NELL2: variants seen among roughly 807,000 people sequenced by gnomAD.
The protein encoded by NELL2 is neural EGFL like 2, also known as protein kinase C-binding protein NELL2.
In NELL2, 41 loss-of-function variants were observed where a neutral mutation model predicts 109.6. The ratio of observed to expected loss-of-function variants is 0.37; its 90% CI spans 0.29 to 0.49. NELL2 has a LOEUF of 0.49. NELL2 is among the 20% of genes least tolerant of loss of function. The pLI is 0.98. For synonymous variants in NELL2, 355 were observed against 344.7 expected (o/e 1.03, Z -0.33); for missense variants, 900 against 1,008.3 (o/e 0.89, Z 1.45).
At chr12:44,763,008 T>C (rs1941188549) in intron 9 of NELL2, among the ~76,000 whole-genome samples, 1 of 152,226 alleles carries the variant, frequency 6.6e-6, no homozygotes, top group Non-Finnish European at 1.5e-5. Context: ...CATAAATTCA[T>C]TCCTAGGCAC....
intron 13 of NELL2, among the ~76,000 whole-genome samples, chr12:44,621,196 T>C (rs1283416206): frequency 6.6e-6 from 1 of 152,176 alleles, no homozygotes; most frequent in Non-Finnish European, 1.5e-5. Context: ...CCACTTTCTT[T>C]GCTTAACTCT....
At chr12:44,830,919 T>C (rs1943867554) in intron 2 of NELL2, among the ~76,000 whole-genome samples, 1 of 151,952 alleles carries the variant, frequency 6.6e-6, no homozygotes. Context: ...CCTCAGGAAT[T>C]CATGAATTTT....
intron 12 of NELL2, among the ~76,000 whole-genome samples, chr12:44,703,514 C>A (rs539324499): frequency 6.6e-6 from 1 of 152,204 alleles, no homozygotes; most frequent in East Asian, 1.9e-4. Flanking sequence ...TTCAAGAAAC[C>A]AGCCATATCA....
intron 9 of NELL2, among the ~76,000 whole-genome samples, chr12:44,763,084 T>TC (rs1464131149): frequency 1.3e-5 from 2 of 152,166 alleles, no homozygotes; most frequent in Non-Finnish European, 2.9e-5. Context: ...ACTGATTGTC[T>TC]CCCCCAGCTC....
chr12:44,916,530 AT>A (rs941216811), upstream of NELL2, among the ~76,000 whole-genome samples: 1 of 152,114 alleles, frequency 6.6e-6, no homozygotes, highest in East Asian at 1.9e-4. Context: ...CACCACTGTG[AT>A]TTTTTTAAGT....
intron 9 of NELL2, among the ~76,000 whole-genome samples, chr12:44,719,629 TAC>T (rs1266699676): frequency 6.6e-6 from 1 of 152,160 alleles, no homozygotes; most frequent in Non-Finnish European, 1.5e-5. Context: ...TCATGGGACT[TAC>T]AGTTTCTTTA....
chr12:44,585,863 A>C (rs139262128), intron 15 of NELL2, among the ~76,000 whole-genome samples: 7 of 152,200 alleles, frequency 4.6e-5, no homozygotes, highest in Admixed American at 1.3e-4. Context: ...GCACAGACCC[A>C]TAACAAAGAA....
At chr12:44,728,833 A>T (rs955549024) in intron 9 of NELL2, among the ~76,000 whole-genome samples, 2 of 152,164 alleles carry the variant, frequency 1.3e-5, no homozygotes, top group Non-Finnish European at 2.9e-5. Flanking sequence ...GACGTATTTA[A>T]AGTGTTGGAA....
intron 1 of NELL2, among the ~76,000 whole-genome samples, chr12:44,912,911 A>G (rs1592718807): frequency 6.6e-6 from 1 of 152,110 alleles, no homozygotes; most frequent in East Asian, 1.9e-4. Context: ...TAGCTATATG[A>G]CCTTGGGCAA....
At chr12:44,535,816 G>A (rs1046029449) in intron 15 of NELL2, among the ~76,000 whole-genome samples, 1 of 151,838 alleles carries the variant, frequency 6.6e-6, no homozygotes, top group Admixed American at 6.6e-5. Flanking sequence ...GTGAAGTTTT[G>A]AAAACAGCAA....
In NELL2 at chr12:44,607,143, T is replaced by G. The variant is rs758074777; in HGVS notation, c.1663+26A>C. ...TATGCATTGGCATAAAAATTCATTT[T>G]CTAGAAGATGAAATGATATTCTTAC... On this transcript the variant is annotated intron_variant, in intron 15 of 19. Coordinates refer to ENST00000429094, the MANE Select transcript of NELL2 (RefSeq NM_001145108.2). 6.9e-6 allele frequency: 11 copies of G among 1,583,972 alleles called. No individual in the cohort carries two copies. The African/African-American group carries it at 1.5e-4, about 21-fold the overall frequency.
intron 3 of NELL2, among the ~76,000 whole-genome samples, chr12:44,808,923 T>C (rs1052976108): frequency 1.3e-5 from 2 of 152,050 alleles, no homozygotes; most frequent in East Asian, 1.9e-4. Context: ...GATGACAAAC[T>C]ACAGGACAGT....
intron 12 of NELL2, among the ~76,000 whole-genome samples, chr12:44,671,202 T>C (rs1592305854): frequency 6.6e-6 from 1 of 152,188 alleles, no homozygotes; most frequent in Middle Eastern, 3.4e-3. Context: ...ACTGGGCCAA[T>C]ATAGAAATTA....
At chr12:44,587,633 T>G (rs146443800) in intron 15 of NELL2, among the ~76,000 whole-genome samples, 1 of 152,084 alleles carries the variant, frequency 6.6e-6, no homozygotes, top group East Asian at 1.9e-4. Context: ...TATGGATAGA[T>G]AGCCGACTGT....
intron 9 of NELL2, among the ~76,000 whole-genome samples, chr12:44,721,033 A>C (rs1938742154): frequency 6.6e-6 from 1 of 152,124 alleles, no homozygotes; most frequent in Admixed American, 6.5e-5. Flanking sequence ...CAAGAGCAAA[A>C]ATTCAAGCAC....
chr12:44,879,140 G>A (rs1268028975), upstream of NELL2, among the ~76,000 whole-genome samples: 1 of 151,722 alleles, frequency 6.6e-6, no homozygotes, highest in Admixed American at 6.6e-5. Context: ...AATATAGAAG[G>A]GCTATGAGAC....
chr12:44,521,557 T>A (rs11831921), intron 18 of NELL2, among the ~76,000 whole-genome samples: 1 of 148,826 alleles, frequency 6.7e-6, no homozygotes, highest in African/African-American at 2.5e-5. Context: ...GTTGCGGTGG[T>A]GGGGGAGGCG....
intron 2 of NELL2, among the ~76,000 whole-genome samples, chr12:44,825,391 C>CTTTTT (rs34266446): frequency 3.9e-4 from 33 of 83,618 alleles, no homozygotes; most frequent in Admixed American, 5.0e-4. Flanking sequence ...TATTCATTTC[C>CTTTTT]TTTTTTTTTT....
At chr12:44,905,261 T>C (rs1945707189) in intron 1 of NELL2, among the ~76,000 whole-genome samples, 1 of 151,994 alleles carries the variant, frequency 6.6e-6, no homozygotes, top group Non-Finnish European at 1.5e-5. Context: ...ATTTTCTTTA[T>C]TTCTTCTTCT....
Sources: allele counts gnomAD v4.1 joint callset (sites outside exome capture counted in the v4.1 genomes callset), GRCh38; gene constraint gnomAD v4.1.1; transcripts MANE v1.5; gene names NCBI Gene and HGNC (gene_info 2026-07-23, HGNC 2026-07-21).